The following LHFPL3 variants were observed in gnomAD, a reference collection of about 807,000 sequenced individuals.
The protein encoded by LHFPL3 is LHFPL tetraspan subfamily member 3.
In LHFPL3, 5 loss-of-function variants were observed where a neutral mutation model predicts 19.3. The observed-to-expected ratio is 0.26, with a 90% confidence interval of 0.14 to 0.54. The LOEUF (loss-of-function observed/expected upper bound fraction) is 0.54, where lower values mean the gene tolerates loss of function less well. LHFPL3 is among the 20% of genes least tolerant of loss of function. The probability of loss-of-function intolerance (pLI) is 0.94; values close to 1 mark genes in which losing one functional copy is unlikely to be tolerated. For missense variants in LHFPL3, 249 were observed against 307.4 expected (o/e 0.81, Z 1.42); for synonymous variants, 133 against 126.2 (o/e 1.05, Z -0.36).
intron 1 of LHFPL3, among the ~76,000 whole-genome samples, chr7:104,646,892 C>G (rs550356459): frequency 5.3e-5 from 8 of 152,320 alleles, no homozygotes; most frequent in South Asian, 4.1e-4. Flanking sequence ...TGAATAAGCA[C>G]AGTGCCTCTC....
intron 1 of LHFPL3, among the ~76,000 whole-genome samples, chr7:104,539,998 G>A (rs904558521): frequency 1.3e-5 from 2 of 152,142 alleles, no homozygotes; most frequent in African/African-American, 4.8e-5. Context: ...TAGGAATGGG[G>A]AAATCATAGG....
In LHFPL3 at chr7:104,328,623, G is replaced by A; in HGVS notation, c.-157G>A. 1 of 674,464 alleles carries A rather than the reference G, an allele frequency of 1.5e-6. No individual in the cohort carries two copies. Among genetic ancestry groups the A allele is most frequent in the Non-Finnish European group, 2.5e-6 (1 of 401,180 alleles). The allele number at this position is 674,464 out of a possible 1,614,324, so 41.8% of individuals were successfully genotyped here. A position where few individuals can be genotyped will look rare whatever the true frequency, so the allele number is the denominator to read the frequency against. On this transcript the variant is annotated 5_prime_UTR_variant, in exon 1 of 3. Coordinates refer to ENST00000424859, the MANE Select transcript of LHFPL3 (RefSeq NM_199000.3). The surrounding 1 kb of genome is among the most constrained non-coding windows in gnomAD (Gnocchi z 4.6). The stretch of plus-strand genomic sequence containing the variant: ...TCCGCGCTCCCCCGCCCTCCTTCCG[G>A]GAGCGAGGATGCAGACTCTGAAACT...
chr7:104,592,202 G>T (rs950246167), intron 1 of LHFPL3, among the ~76,000 whole-genome samples: 27 of 152,086 alleles, frequency 1.8e-4, no homozygotes, highest in African/African-American at 6.5e-4. Flanking sequence ...GAGGTATTCT[G>T]ATTTCTAGAA....
At chr7:104,488,281 G>A (rs1793274407) in intron 1 of LHFPL3, among the ~76,000 whole-genome samples, 1 of 152,090 alleles carries the variant, frequency 6.6e-6, no homozygotes, top group South Asian at 2.1e-4. Flanking sequence ...CAAAAATTGA[G>A]GGTGCTTTTG....
chr7:104,370,486 GC>G (rs536239848), intron 1 of LHFPL3, among the ~76,000 whole-genome samples: 11 of 152,166 alleles, frequency 7.2e-5, no homozygotes, highest in Non-Finnish European at 1.3e-4. Context: ...CAGAGTCCCA[GC>G]CCCAGCATCG....
intron 2 of LHFPL3, among the ~76,000 whole-genome samples, chr7:104,815,759 G>A: frequency 6.6e-6 from 1 of 152,070 alleles, no homozygotes. Context: ...CTCATGCCCT[G>A]GATTCTCTTC....
intron 1 of LHFPL3, among the ~76,000 whole-genome samples, chr7:104,449,988 T>C (rs1043552218): frequency 2.0e-5 from 3 of 152,202 alleles, no homozygotes; most frequent in African/African-American, 7.2e-5. Flanking sequence ...ACTTTTTGCT[T>C]TTGTCTTTAC....
intron 1 of LHFPL3, among the ~76,000 whole-genome samples, chr7:104,459,673 A>C (rs915945852): frequency 6.6e-6 from 1 of 152,228 alleles, no homozygotes; most frequent in Non-Finnish European, 1.5e-5. Flanking sequence ...TCTTCGTAAC[A>C]GGCACTGGAG....
intron 2 of LHFPL3, among the ~76,000 whole-genome samples, chr7:104,770,545 G>A (rs1794533236): frequency 6.6e-6 from 1 of 152,196 alleles, no homozygotes; most frequent in Non-Finnish European, 1.5e-5. Context: ...CGCTTATTAA[G>A]CTTCGTACCA....
chr7:104,404,429 C>T (rs1228581935), intron 1 of LHFPL3, among the ~76,000 whole-genome samples: 1 of 152,086 alleles, frequency 6.6e-6, no homozygotes, highest in Non-Finnish European at 1.5e-5. Flanking sequence ...CAGTAGAGAT[C>T]AGTAGTGATT....
At chr7:104,419,495 TGAAAG>T (rs1483906103) in intron 1 of LHFPL3, among the ~76,000 whole-genome samples, 1 of 151,900 alleles carries the variant, frequency 6.6e-6, no homozygotes, top group Admixed American at 6.6e-5. Context: ...GAGAAGGAAA[TGAAAG>T]GGAAAAATCA....
At chr7:104,388,996 A>G (rs541677554) in intron 1 of LHFPL3, among the ~76,000 whole-genome samples, 2 of 152,298 alleles carry the variant, frequency 1.3e-5, no homozygotes, top group South Asian at 2.1e-4. Flanking sequence ...CCACTCTTCA[A>G]TATCATACCA....
At chr7:104,623,165 A>G (rs1791480301) in intron 1 of LHFPL3, 1 of 170,650 alleles carries the variant, frequency 5.9e-6, no homozygotes, top group African/African-American at 2.4e-5. Flanking sequence ...TCTAGATACT[A>G]ATTTGATATC....
chr7:104,628,074 A>G (rs1053356748), intron 1 of LHFPL3, among the ~76,000 whole-genome samples: 1 of 152,146 alleles, frequency 6.6e-6, no homozygotes, highest in South Asian at 2.1e-4. Flanking sequence ...AGGGTCTTGG[A>G]TGCCTTGGAT....
chr7:104,430,428 A>ACG (rs1791963781), intron 1 of LHFPL3, among the ~76,000 whole-genome samples: 1 of 11,464 alleles, frequency 8.7e-5, no homozygotes, highest in African/African-American at 2.5e-4. Flanking sequence ...ACATATATAT[A>ACG]TATATATATA....
rs565665369 is a variant in LHFPL3, at chr7:104,397,734, G to A, written c.445+68510G>A. The stretch of plus-strand genomic sequence containing the variant: ...TACATGAAAGGCAGAAGGAAGGGGT[G>A]TGAACAACCAGAAAAAAAGCAGTAT... On this transcript the variant is annotated intron_variant, in intron 1 of 2. Coordinates refer to ENST00000424859, the MANE Select transcript of LHFPL3 (RefSeq NM_199000.3). 2.0e-3 allele frequency among the ~76,000 whole-genome samples: 306 copies of A among 152,288 alleles called. 6 individuals carry two copies. Among genetic ancestry groups the A allele is most frequent in the Non-Finnish European group, 4.7e-4 (32 of 68,012 alleles).
chr7:104,444,786 C>T (rs1037584609), intron 1 of LHFPL3, among the ~76,000 whole-genome samples: 5 of 151,994 alleles, frequency 3.3e-5, no homozygotes, highest in African/African-American at 9.7e-5. Flanking sequence ...GTCGGGAGTT[C>T]GAGACCAGCC....
intron 2 of LHFPL3, among the ~76,000 whole-genome samples, chr7:104,809,507 C>A (rs892995587): frequency 4.6e-5 from 7 of 152,226 alleles, no homozygotes; most frequent in Admixed American, 3.9e-4. Flanking sequence ...AATCCCAAAG[C>A]CCCTATCCAA....
chr7:104,624,267 C>T (rs536108840), intron 1 of LHFPL3, among the ~76,000 whole-genome samples: 8 of 152,254 alleles, frequency 5.3e-5, no homozygotes, highest in Middle Eastern at 3.4e-3. Context: ...GAGCTGTAGC[C>T]ATGCCCAGAA....
Sources: allele counts gnomAD v4.1 joint callset (sites outside exome capture counted in the v4.1 genomes callset), GRCh38; gene constraint gnomAD v4.1.1; non-coding constraint Gnocchi (gnomAD v3.1); transcripts MANE v1.5; gene names NCBI Gene and HGNC (gene_info 2026-07-23, HGNC 2026-07-21).